Variants in DNAH14 observed in about 807,000 individuals in gnomAD.
The protein encoded by DNAH14 is axonemal beta dynein heavy chain 14.
Under a neutral mutation model 520.9 loss-of-function variants are expected in DNAH14, and 478 were observed. That is an observed-to-expected ratio of 0.92 (90% confidence interval 0.85 to 0.99). The LOEUF (loss-of-function observed/expected upper bound fraction) is 0.99. DNAH14 is among the 50% of genes least tolerant of loss of function. DNAH14 has a pLI of 0.00. For missense variants in DNAH14, 4,831 were observed against 5,234.5 expected, an observed-to-expected ratio of 0.92 and a Z score of 2.38; for synonymous variants, 1,581 against 1,757.2, an observed-to-expected ratio of 0.90 and a Z score of 2.51.
intron 26 of DNAH14, among the ~76,000 whole-genome samples, chr1:225,122,290 T>C (rs2077362000): frequency 6.6e-6 from 1 of 152,144 alleles, no homozygotes; most frequent in African/African-American, 2.4e-5. Flanking sequence ...TAAAAGCAAA[T>C]ACTAGTTTCT....
At chr1:225,215,133 A>G (rs1347205493) in intron 41 of DNAH14, among the ~76,000 whole-genome samples, 1 of 149,856 alleles carries the variant, frequency 6.7e-6, no homozygotes, top group Non-Finnish European at 1.5e-5. Context: ...GTTTCAAAGA[A>G]CATCTTTATT....
chr1:225,152,943 A>T, intron 33 of DNAH14, 60 bp downstream of exon 33: 1 of 1,510,078 alleles, frequency 6.6e-7, no homozygotes, highest in Non-Finnish European at 8.9e-7. Flanking sequence ...ACCTTAAGTA[A>T]TACTTTTCTG....
In DNAH14 at chr1:225,175,551, G is replaced by A. The variant is rs111340078; in HGVS notation, c.5535+7523G>A. 2.5e-3 allele frequency among the ~76,000 whole-genome samples: 380 copies of A among 151,696 alleles called. 2 individuals carry two copies. Among genetic ancestry groups the A allele is most frequent in the African/African-American group, 8.5e-3 (351 of 41,456 alleles). On this transcript the variant is annotated intron_variant, in intron 36 of 85. Coordinates refer to ENST00000682510, the MANE Select transcript of DNAH14 (RefSeq NM_001367479.1). ...TTATTGTTAGTCTAGTGAAAGATTT[G>A]TTGATTTTTAAAAATCTTTTCAATA...
chr1:224,944,379 A>T (rs1202369149), intron 1 of DNAH14, among the ~76,000 whole-genome samples: 1 of 151,962 alleles, frequency 6.6e-6, no homozygotes, highest in Non-Finnish European at 1.5e-5. Context: ...TTGAGCCTAT[A>T]TGTGTCTCTG....
chr1:224,999,911 TATA>T (rs1420597294), intron 8 of DNAH14, among the ~76,000 whole-genome samples: 2 of 152,192 alleles, frequency 1.3e-5, no homozygotes, highest in African/African-American at 2.4e-5. Context: ...CAAACATTGT[TATA>T]ATTTTTGCTT....
At chr1:225,179,822 T>C (rs181387250) in intron 36 of DNAH14, among the ~76,000 whole-genome samples, 2 of 152,300 alleles carry the variant, frequency 1.3e-5, no homozygotes, top group Admixed American at 1.3e-4. Flanking sequence ...CCCTCAGCTG[T>C]TTCATGTCTG....
At chr1:225,100,537 A>T (rs1213213325) in intron 22 of DNAH14, among the ~76,000 whole-genome samples, 176 bp from the exon 23 acceptor site, 1 of 152,164 alleles carries the variant, frequency 6.6e-6, no homozygotes, top group Non-Finnish European at 1.5e-5. Flanking sequence ...ATTTCTTACC[A>T]TGTGCATCAC....
chr1:225,338,268 G>A, intron 68 of DNAH14, 86 bp downstream of exon 68: 3 of 1,452,442 alleles, frequency 2.1e-6, no homozygotes, highest in Non-Finnish European at 2.8e-6. Context: ...GTCCTGTCAA[G>A]CTTCTACATG....
intron 42 of DNAH14, among the ~76,000 whole-genome samples, chr1:225,231,918 T>C (rs1405303735): frequency 6.6e-6 from 1 of 152,170 alleles, no homozygotes; most frequent in African/African-American, 2.4e-5. Context: ...TTATAAAATA[T>C]GTATAAGATA....
At chr1:225,079,594 G>GAT in intron 18 of DNAH14, 46 bp downstream of exon 18, 1 of 1,415,074 alleles carries the variant, frequency 7.1e-7, no homozygotes, top group Non-Finnish European at 9.4e-7. Context: ...TTAAAAACTT[G>GAT]ATCTTAGTCT....
intron 11 of DNAH14, among the ~76,000 whole-genome samples, chr1:225,037,447 A>C (rs910361759): frequency 1.4e-4 from 22 of 152,176 alleles, no homozygotes; most frequent in Non-Finnish European, 3.1e-4. Context: ...CCATTATTTT[A>C]ACCTCAGGAC....
intron 1 of DNAH14, among the ~76,000 whole-genome samples, chr1:224,934,494 G>T (rs946373838): frequency 6.6e-5 from 10 of 151,532 alleles, no homozygotes; most frequent in Non-Finnish European, 1.2e-4. Context: ...AAAAAATAAA[G>T]AAAAAAGTAT....
intron 8 of DNAH14, among the ~76,000 whole-genome samples, chr1:224,995,329 G>A (rs1273580827): frequency 6.6e-6 from 1 of 151,994 alleles, no homozygotes; most frequent in Non-Finnish European, 1.5e-5. Context: ...TGGCTTGCAG[G>A]GGTTGTTTTT....
intron 84 of DNAH14, among the ~76,000 whole-genome samples, chr1:225,395,417 C>T (rs1286386071): frequency 1.3e-5 from 2 of 152,084 alleles, no homozygotes; most frequent in Non-Finnish European, 2.9e-5. Context: ...CACGGTGAAA[C>T]CCCGTCTCTA....
chr1:225,162,337 G>A lies in DNAH14; in HGVS notation c.5445+2852G>A, dbSNP rs192405438. On this transcript the variant is annotated intron_variant, in intron 35 of 85. Transcript: ENST00000682510. ...GTTTCTGGGTTTTCTGTTTTGTTCC[G>A]TTCGTCTGTATGGATATTGGTCTGT... 1.2e-4 allele frequency among the ~76,000 whole-genome samples: 19 copies of A among 152,132 alleles called. No individual in the cohort carries two copies. In the East Asian group the frequency reaches 2.7e-3, roughly 22 times the overall value.
At chr1:225,009,140 T>C (rs1361574020) in intron 10 of DNAH14, among the ~76,000 whole-genome samples, 1 of 152,226 alleles carries the variant, frequency 6.6e-6, no homozygotes, top group East Asian at 1.9e-4. Flanking sequence ...ATTTTGGCTT[T>C]TGTTGCCATT....
chr1:225,308,535 A>AT, intron 60 of DNAH14, 125 bp downstream of exon 60: 4 of 968,628 alleles, frequency 4.1e-6, no homozygotes, highest in Non-Finnish European at 5.9e-6. Context: ...GTTACTTTTC[A>AT]TTGTAATTCC....
chr1:225,363,357 A>C (rs2095515004), intron 75 of DNAH14, among the ~76,000 whole-genome samples: 1 of 152,204 alleles, frequency 6.6e-6, no homozygotes, highest in Non-Finnish European at 1.5e-5. Flanking sequence ...TCATTGTATT[A>C]AGTTTTCATG....
chr1:225,364,928 T>G (rs903632887), intron 76 of DNAH14, 34 bp downstream of exon 76: 2 of 1,415,200 alleles, frequency 1.4e-6, no homozygotes, highest in African/African-American at 2.9e-5. Flanking sequence ...TAATGTTGAC[T>G]GAGGAGCCCT....
Sources: gnomAD v4.1 joint callset for allele counts (sites outside exome capture counted in the v4.1 genomes callset) on GRCh38, gnomAD v4.1.1 for gene constraint, MANE v1.5 for transcripts, NCBI Gene and HGNC (gene_info 2026-07-23, HGNC 2026-07-21) for gene names.